HHIPL2: variants seen among roughly 807,000 people sequenced by gnomAD.
The protein encoded by HHIPL2 is HHIP-like protein 2.
Under a neutral mutation model 61.0 loss-of-function variants are expected in HHIPL2, and 61 were observed. The ratio of observed to expected loss-of-function variants is 1.00; its 90% CI spans 0.81 to 1.24. HHIPL2 has a LOEUF of 1.24. Among genes scored for constraint, HHIPL2 ranks in the 50% most tolerant of loss-of-function variants. The pLI is 0.00. For missense variants in HHIPL2, 885 were observed against 910.2 expected (o/e 0.97, Z 0.36); for synonymous variants, 343 against 357.4 (o/e 0.96, Z 0.45).
intron 6 of HHIPL2, among the ~76,000 whole-genome samples, chr1:222,531,060 T>G (rs914988635): frequency 6.6e-6 from 1 of 152,248 alleles, no homozygotes; most frequent in Non-Finnish European, 1.5e-5. Flanking sequence ...TCTGTGTCTC[T>G]CTCGCTCATG....
rs558235638 is a variant in HHIPL2, at chr1:222,543,698, C to T, written c.813G>A (p.Glu271=). ...GAAAAGCCAACCCCAAGAAGCCTCT[C>T]TCATCCCCGATCCATGGGGTGGTCA... ...IVLTTPWIGD[E]RGFLGLAFHP... is the part of the protein sequence containing the mutation. The change falls in exon 2 of 9, where the codon GAG becomes GAA. Residue 271 remains glutamate, a synonymous_variant. Transcript: ENST00000343410. 7.4e-6 allele frequency: 12 copies of T among 1,614,194 alleles called. No individual in the cohort carries two copies. The South Asian group carries it at 1.2e-4, about 16-fold the overall frequency.
Position 222,527,054 on chromosome 1 carries a change from A to T in HHIPL2, c.1724-4T>A. 6.2e-7 allele frequency: 1 copy of T among 1,611,106 alleles called. No individual in the cohort carries two copies. Among genetic ancestry groups the T allele is most frequent in the South Asian group, 1.1e-5 (1 of 90,524 alleles). ...GTCGCCAGGAAATACAGCTCCCCTAAGGCAACAAAAATAGACAGGCAATAA... is the reference window on the plus strand; with the variant it reads ...GTCGCCAGGAAATACAGCTCCCCTATGGCAACAAAAATAGACAGGCAATAA... On this transcript the variant is annotated splice_region_variant and splice_polypyrimidine_tract_variant and intron_variant, in intron 6 of 8. Transcript: ENST00000343410.
chr1:222,535,114 C>A (rs1048081647), intron 5 of HHIPL2, among the ~76,000 whole-genome samples: 1 of 152,020 alleles, frequency 6.6e-6, no homozygotes, highest in African/African-American at 2.4e-5. Context: ...TATGAAGGAA[C>A]AAACAGAAGT....
chr1:222,538,904 G>T, intron 4 of HHIPL2, 130 bp from the exon 5 acceptor site: 1 of 833,632 alleles, frequency 1.2e-6, no homozygotes, highest in Non-Finnish European at 1.9e-6. Flanking sequence ...TCTTCAGTAG[G>T]ACAGGCAAGC....
intron 6 of HHIPL2, among the ~76,000 whole-genome samples, chr1:222,530,918 A>C (rs1659173258): frequency 6.6e-6 from 1 of 152,162 alleles, no homozygotes; most frequent in African/African-American, 2.4e-5. Flanking sequence ...CACTGTCCTC[A>C]CATAAAAAAA....
At position 222,547,580 on chromosome 1, in the gene HHIPL2, C is replaced by T. The variant is rs772755471; in HGVS notation, c.321+144G>A. The T allele has an allele frequency of 2.2e-4, 147 of 660,496 alleles. 1 individual carries two copies. Among genetic ancestry groups the T allele is most frequent in the Non-Finnish European group, 3.3e-4 (127 of 384,094 alleles). The allele number at this position is 660,496 out of a possible 1,614,324, so 40.9% of individuals were successfully genotyped here. A position where few individuals can be genotyped will look rare whatever the true frequency, so the allele number is the denominator to read the frequency against. On this transcript the variant is annotated intron_variant, in intron 1 of 8. Transcript: ENST00000343410. ...TTCAGCACACACTCATGTCAGTGTG[C>T]GTGTCCAAAGCCGGCAGCTCCAAGA...
chr1:222,539,253 C>T (rs1240629589), intron 4 of HHIPL2, among the ~76,000 whole-genome samples: 4 of 151,952 alleles, frequency 2.6e-5, no homozygotes, highest in Admixed American at 6.6e-5. Flanking sequence ...TGTCCTGGGC[C>T]GGGCACGGTG....
chr1:222,534,090 G>T (rs187540991), intron 5 of HHIPL2, among the ~76,000 whole-genome samples: 211 of 152,268 alleles, frequency 1.4e-3, no homozygotes, highest in Non-Finnish European at 2.1e-3. Flanking sequence ...GGAATAGAAA[G>T]CACTAGAAAA....
rs748527464 is a variant in HHIPL2 at position 222,548,064 on chromosome 1, G to C, written c.-20C>G. 11 of 1,523,422 alleles carry C rather than the reference G, an allele frequency of 7.2e-6. No homozygotes were observed. The African/African-American group carries it at 1.2e-4, about 17-fold the overall frequency. 94.4% of individuals were successfully genotyped at this position (1,523,422 alleles called of 1,614,324 possible). ...CAGCATTTTGGCCTTGGGAACACTC[G>C]GGCTGCTGTGTTTGCTCAGGTTGGC... is the stretch of plus-strand genomic sequence containing the variant. On this transcript the variant is annotated 5_prime_UTR_variant, in exon 1 of 9. Transcript: ENST00000343410.
Position 222,543,881 on chromosome 1 carries a change from G to T in HHIPL2, c.630C>A (p.Ser210Arg), listed in dbSNP as rs918408383. The stretch of plus-strand genomic sequence containing the variant: ...GGTTCCTCAGCCCGTTGGCCACCTC[G>T]CTCAGGCAGAGCTGCAGGCAGCCCT... ...DPQGCLQLCL[S>R]EVANGLRNPV... Residue 210 changes from serine (S) to arginine (R), a missense_variant, in exon 2 of 9, where the codon AGC becomes AGA. By Grantham distance (110) the Ser-to-Arg change is moderately radical. Coordinates refer to ENST00000343410, the MANE Select transcript of HHIPL2 (RefSeq NM_024746.4). 1 of 1,614,172 alleles carries T rather than the reference G, an allele frequency of 6.2e-7. No homozygotes were observed. The highest frequency in any genetic ancestry group is 8.5e-7 in the Non-Finnish European group (1 of 1,180,032).
At chr1:222,547,215 CAG>C (rs780563750) in intron 1 of HHIPL2, among the ~76,000 whole-genome samples, 40 of 152,180 alleles carry the variant, frequency 2.6e-4, no homozygotes, top group Non-Finnish European at 5.3e-4. Flanking sequence ...GCTGGGCAGA[CAG>C]AACTCTGGAG....
chr1:222,526,431 C>T (rs1374839419), intron 7 of HHIPL2, among the ~76,000 whole-genome samples: 1 of 150,916 alleles, frequency 6.6e-6, no homozygotes, highest in African/African-American at 2.4e-5. Context: ...AAAGGCTGGG[C>T]ATGGTGGCTT....
intron 6 of HHIPL2, among the ~76,000 whole-genome samples, chr1:222,527,832 C>T (rs116512005): frequency 0.048 from 7,235 of 152,202 alleles, 621 homozygotes; most frequent in East Asian, 0.27. Context: ...TTTTTCTTGG[C>T]TCTCATTTTC....
At chr1:222,546,047 A>AAATAAATAAATAAATAAATAAAT (rs1553271590) in intron 1 of HHIPL2, among the ~76,000 whole-genome samples, 6 of 141,356 alleles carry the variant, frequency 4.2e-5, no homozygotes, top group Non-Finnish European at 7.6e-5. Flanking sequence ...TCTGTCTCAA[A>AAATAAATAAATAAATAAATAAAT]AAATAAATAA....
intron 6 of HHIPL2, 33 bp from the exon 7 acceptor site, chr1:222,527,083 G>A (rs1278756044): frequency 4.0e-6 from 6 of 1,512,346 alleles, no homozygotes; most frequent in Non-Finnish European, 3.7e-6. Context: ...GCAATAATGG[G>A]ACATCAGGCA....
At chr1:222,544,282 T>C (rs962698259) in intron 1 of HHIPL2, 93 bp from the exon 2 acceptor site, 8 of 1,373,442 alleles carry the variant, frequency 5.8e-6, no homozygotes, top group African/African-American at 1.4e-5. Flanking sequence ...AAAATGGTGC[T>C]AGGCGGAAAA....
intron 6 of HHIPL2, among the ~76,000 whole-genome samples, chr1:222,528,562 G>A (rs149399484): frequency 4.6e-5 from 7 of 152,066 alleles, no homozygotes; most frequent in Non-Finnish European, 7.4e-5. Context: ...AGCCAAGACC[G>A]CATCACTACA....
intron 7 of HHIPL2, chr1:222,524,974 T>A (rs1234922703): frequency 6.6e-6 from 1 of 152,070 alleles, no homozygotes; most frequent in Non-Finnish European, 1.5e-5. Context: ...TCTTTATCCA[T>A]AGAGTGAGGA....
chr1:222,541,731 T>C (rs1331993307), intron 3 of HHIPL2, among the ~76,000 whole-genome samples: 1 of 152,142 alleles, frequency 6.6e-6, no homozygotes, highest in African/African-American at 2.4e-5. Flanking sequence ...AATTAGATGA[T>C]TAGTGTGGTG....
Sources: allele counts gnomAD v4.1 joint callset (sites outside exome capture counted in the v4.1 genomes callset), GRCh38; gene constraint gnomAD v4.1.1; transcripts MANE v1.5; gene names NCBI Gene and HGNC (gene_info 2026-07-23, HGNC 2026-07-21).